Variants in FBXO34 observed in about 807,000 individuals in gnomAD.
The protein encoded by FBXO34 is F-box only protein 34.
In FBXO34, 12 loss-of-function variants were observed where a neutral mutation model predicts 24.5. The observed-to-expected ratio is 0.49, with a 90% CI of 0.31 to 0.79. The LOEUF (loss-of-function observed/expected upper bound fraction) is 0.79. FBXO34 is among the 30% of genes least tolerant of loss of function. FBXO34 has a pLI of 0.04. For missense variants in FBXO34, 823 were observed against 857.7 expected (o/e 0.96, Z 0.51); for synonymous variants, 320 against 311.9 (o/e 1.03, Z -0.27).
the FBXO34 span, among the ~76,000 whole-genome samples, chr14:55,422,008 T>C: frequency 1.3e-5 from 2 of 152,122 alleles, no homozygotes; most frequent in Non-Finnish European, 1.5e-5. Flanking sequence ...AAAATTAAAG[T>C]AATGAGGGGA....
chr14:55,429,766 CAAAAAAA>C, the FBXO34 span, among the ~76,000 whole-genome samples: 578 of 52,404 alleles, frequency 0.011, 6 homozygotes, highest in African/African-American at 0.05. Context: ...AACTCCGTCT[CAAAAAAA>C]AAAAAAAAAA....
chr14:55,298,857 G>A (rs1269629648), intron 1 of FBXO34: 26 of 1,611,670 alleles, frequency 1.6e-5, no homozygotes, highest in Non-Finnish European at 1.8e-5. Flanking sequence ...GCAGATCGAC[G>A]GTACATTATC....
intron 1 of FBXO34, among the ~76,000 whole-genome samples, chr14:55,323,599 T>C (rs1427618038): frequency 2.0e-5 from 3 of 152,010 alleles, no homozygotes; most frequent in Non-Finnish European, 4.4e-5. Context: ...GCCAGGATGG[T>C]CTCAATCTCC....
rs201666327 is a variant in FBXO34 at position 55,276,638 on chromosome 14, C to CG, written c.-11+5108dup. On this transcript the variant is annotated intron_variant, in intron 1 of 1. Coordinates refer to ENST00000313833, the MANE Select transcript of FBXO34 (RefSeq NM_017943.4). The stretch of plus-strand genomic sequence containing the variant: ...AACTTTTATATCTTGGTTGAGGAAG[C>CG]GGGGGGGTCTAGTTAAAACAATTTT... Among the ~76,000 whole-genome samples the CG allele has an allele frequency of 7.6e-3, 1,149 of 151,560 alleles. 13 individuals are homozygous for CG. Among genetic ancestry groups the CG allele is most frequent in the African/African-American group, 0.022 (906 of 41,306 alleles).
chr14:55,327,191 G>C (rs1883368624), intron 1 of FBXO34, among the ~76,000 whole-genome samples: 1 of 152,210 alleles, frequency 6.6e-6, no homozygotes, highest in Non-Finnish European at 1.5e-5. Flanking sequence ...GGAAGGAGCA[G>C]AGGGAACCAC....
downstream of FBXO34, chr14:55,369,563 T>C (rs1386503400): frequency 7.3e-7 from 1 of 1,377,886 alleles, no homozygotes; most frequent in Non-Finnish European, 9.7e-7. Context: ...TTTACTAGAG[T>C]GTAGTGGGAG....
the FBXO34 span, among the ~76,000 whole-genome samples, chr14:55,398,164 G>A: frequency 6.6e-6 from 1 of 152,004 alleles, no homozygotes; most frequent in Non-Finnish European, 1.5e-5. Flanking sequence ...TGTTAGCAAG[G>A]ATGGTCTCGA....
At chr14:55,284,544 AT>A (rs1467079397) in intron 1 of FBXO34, among the ~76,000 whole-genome samples, 42 of 133,398 alleles carry the variant, frequency 3.1e-4, no homozygotes, top group African/African-American at 1.1e-3. Flanking sequence ...TGAATGATTT[AT>A]TTTCTTCTCT....
intron 1 of FBXO34, among the ~76,000 whole-genome samples, chr14:55,333,535 A>G (rs1883669551): frequency 6.6e-6 from 1 of 152,250 alleles, no homozygotes; most frequent in Non-Finnish European, 1.5e-5. Context: ...TCTTAAAAAT[A>G]TATAAAAACT....
At chr14:55,284,971 T>A (rs1192347181) in intron 1 of FBXO34, among the ~76,000 whole-genome samples, 1 of 149,900 alleles carries the variant, frequency 6.7e-6, no homozygotes, top group Non-Finnish European at 1.5e-5. Flanking sequence ...CTTTACCATG[T>A]TTATCTTGCT....
In FBXO34 at chr14:55,351,356, G is replaced by A; in HGVS notation, c.966G>A (p.Gln322=). 6.2e-7 allele frequency: 1 copy of A among 1,614,222 alleles called. No individual in the cohort carries two copies. Among genetic ancestry groups the A allele is most frequent in the Non-Finnish European group, 8.5e-7 (1 of 1,180,050 alleles). ...GAGTATTGCTTGCAAATAGCACTCA[G>A]GCTGATGAAGGCAAAACAAAGAAAG... is the stretch of plus-strand genomic sequence containing the variant. ...VGRVLLANST[Q]ADEGKTKKGV... Residue 322 remains glutamine (Q), a synonymous_variant, in exon 2 of 2, where the codon CAG becomes CAA. Coordinates refer to ENST00000313833, the MANE Select transcript of FBXO34 (RefSeq NM_017943.4).
intron 1 of FBXO34, among the ~76,000 whole-genome samples, chr14:55,297,463 G>T (rs549959098): frequency 6.6e-6 from 1 of 152,216 alleles, no homozygotes; most frequent in East Asian, 1.9e-4. Context: ...ACTTATTAGG[G>T]TTGTTAGGAA....
At chr14:55,372,355 A>G (rs1884838836), downstream of FBXO34, among the ~76,000 whole-genome samples, 1 of 152,016 alleles carries the variant, frequency 6.6e-6, no homozygotes, top group Non-Finnish European at 1.5e-5. Context: ...ACCCACTAAA[A>G]AAGTTCACAA....
intron 3 of FBXO34, among the ~76,000 whole-genome samples, chr14:55,360,997 CAAAAA>C (rs1884586543): frequency 6.8e-6 from 1 of 147,180 alleles, no homozygotes; most frequent in African/African-American, 2.5e-5. Context: ...GATCCTGTCT[CAAAAA>C]GAAAAAAAAA....
the FBXO34 span, chr14:55,424,351 T>C: frequency 1.4e-6 from 1 of 716,748 alleles, no homozygotes. Context: ...ATTAAAGCAG[T>C]TGTAAATAAG....
At chr14:55,320,941 G>A (rs77021467) in intron 1 of FBXO34, among the ~76,000 whole-genome samples, 8,832 of 152,052 alleles carry the variant, frequency 0.058, 326 homozygotes, top group South Asian at 0.09. Flanking sequence ...AATACCTCTG[G>A]TTCACTAAAA....
At chr14:55,431,736 T>G in the FBXO34 span, among the ~76,000 whole-genome samples, 1 of 152,216 alleles carries the variant, frequency 6.6e-6, no homozygotes, top group African/African-American at 2.4e-5. Flanking sequence ...GAGTACCGAC[T>G]GATCATTTGG....
chr14:55,346,676 T>TCA (rs1215119777), intron 1 of FBXO34, among the ~76,000 whole-genome samples: 1 of 151,952 alleles, frequency 6.6e-6, no homozygotes, highest in East Asian at 1.9e-4. Context: ...AGCTGGGAAG[T>TCA]CTATGTCAAA....
the FBXO34 span, among the ~76,000 whole-genome samples, chr14:55,435,425 G>A: frequency 2.0e-5 from 3 of 151,964 alleles, no homozygotes; most frequent in African/African-American, 4.8e-5. Context: ...ACAGGCACCC[G>A]CCACAACATC....
Sources: allele counts gnomAD v4.1 joint callset (sites outside exome capture counted in the v4.1 genomes callset), GRCh38; gene constraint gnomAD v4.1.1; transcripts MANE v1.5; gene names NCBI Gene and HGNC (gene_info 2026-07-23, HGNC 2026-07-21).